Variants in FZR1 observed in about 807,000 individuals in gnomAD.
FZR1 encodes fizzy and cell division cycle 20 related 1.
Under a neutral mutation model 63.6 loss-of-function variants are expected in FZR1, and 11 were observed. The ratio of observed to expected loss-of-function variants is 0.17; its 90% CI spans 0.11 to 0.29. FZR1 has a LOEUF of 0.29. FZR1 is among the 10% of genes least tolerant of loss of function. The pLI is 1.00. For missense variants in FZR1, 440 were observed against 687.5 expected (o/e 0.64, Z 4.03); for synonymous variants, 328 against 297.9 (o/e 1.10, Z -1.04).
At chr19:3,532,195 G>A (rs2083255048) in intron 10 of FZR1, 100 bp downstream of exon 10, 5 of 1,165,808 alleles carry the variant, frequency 4.3e-6, no homozygotes, top group Non-Finnish European at 5.9e-6. Flanking sequence ...GCGGGCGCGG[G>A]GCCCACTCCA....
At position 3,532,407 on chromosome 19, in the gene FZR1, T is replaced by C. The variant is rs749845447; in HGVS notation, c.1009-10T>C. On this transcript the variant is annotated splice_polypyrimidine_tract_variant and intron_variant, in intron 10 of 13. Coordinates refer to ENST00000441788, the MANE Select transcript of FZR1 (RefSeq NM_016263.4). ...GGGACAGCCCCGGCCTCACAGCCCC[T>C]GTCCCCCAGCTGCTGGTCTGGAATC... 1.9e-6 allele frequency: 3 copies of C among 1,585,872 alleles called. No individual in the cohort carries two copies. Among genetic ancestry groups the C allele is most frequent in the Non-Finnish European group, 2.6e-6 (3 of 1,164,244 alleles).
chr19:3,520,162 G>A (rs2083088838), intron 1 of FZR1, among the ~76,000 whole-genome samples: 1 of 152,262 alleles, frequency 6.6e-6, no homozygotes, highest in Non-Finnish European at 1.5e-5. Context: ...GATGGCCAGT[G>A]CTGGCCCAGG....
At chr19:3,528,682 GGTGAGCGGATGA>G (rs2083189245) in intron 7 of FZR1, among the ~76,000 whole-genome samples, 2 of 147,332 alleles carry the variant, frequency 1.4e-5, no homozygotes, top group African/African-American at 2.5e-5. Flanking sequence ...AGAGTGGATG[GGTGAGCGGATGA>G]GAGAGTGGAT....
At chr19:3,507,309 C>G (rs182948401) in intron 1 of FZR1, among the ~76,000 whole-genome samples, 1 of 152,036 alleles carries the variant, frequency 6.6e-6, no homozygotes, top group Non-Finnish European at 1.5e-5. Context: ...CTGGCCATCT[C>G]GGATCCCCAG....
chr19:3,507,378 C>T (rs2082992187), intron 1 of FZR1, among the ~76,000 whole-genome samples: 1 of 151,848 alleles, frequency 6.6e-6, no homozygotes, highest in Non-Finnish European at 1.5e-5. Flanking sequence ...CTGTGACACC[C>T]CCTCCCCCTC....
intron 1 of FZR1, among the ~76,000 whole-genome samples, chr19:3,522,243 C>T (rs2083109164): frequency 6.6e-6 from 1 of 152,190 alleles, no homozygotes; most frequent in Admixed American, 6.5e-5. Flanking sequence ...TTGTACAAAC[C>T]CCCTTCCTGC....
intron 8 of FZR1, 58 bp from the exon 9 acceptor site, chr19:3,531,656 G>T: frequency 8.0e-7 from 1 of 1,252,530 alleles, no homozygotes; most frequent in Non-Finnish European, 1.1e-6. Context: ...ACGCCAGGAC[G>T]GGCACAGTCC....
At position 3,531,827 on chromosome 19, in the gene FZR1, C is replaced by T. The variant is rs749237224; in HGVS notation, c.823+11C>T. 44 of 1,549,526 alleles carry T rather than the reference C, an allele frequency of 2.8e-5. No individual in the cohort carries two copies. The highest frequency in any genetic ancestry group is 2.2e-4 in the East Asian group (9 of 41,000). ...ACACGGCACGCGTCGGTGAGGAGCC[C>T]GGGTCCCATGGCTGGTGAGCTCCCT... On this transcript the variant is annotated intron_variant, in intron 9 of 13. Coordinates refer to ENST00000441788, the MANE Select transcript of FZR1 (RefSeq NM_016263.4).
chr19:3,522,876 G>T (rs1321098236), intron 1 of FZR1, 80 bp from the exon 2 acceptor site: 3 of 767,194 alleles, frequency 3.9e-6, no homozygotes, highest in Non-Finnish European at 4.8e-6. Flanking sequence ...AGCTCCCAGG[G>T]CCTGGAGGTG....
In FZR1 at chr19:3,516,194, C is replaced by T. The variant is rs1399253759; in HGVS notation, c.-34-6762C>T. Among the ~76,000 whole-genome samples, 6 of 152,360 alleles carry T rather than the reference C, an allele frequency of 3.9e-5. No individual in the cohort carries two copies. Among genetic ancestry groups the T allele is most frequent in the Admixed American group, 1.3e-4 (2 of 15,308 alleles). On this transcript the variant is annotated intron_variant, in intron 1 of 13. Coordinates refer to ENST00000441788, the MANE Select transcript of FZR1 (RefSeq NM_016263.4). This position sits in a 1 kb window ranked among gnomAD's most constrained non-coding sequence, Gnocchi z 6.0. ...GAGTGCGTGTGGCTGTCTCTCCCCA[C>T]GCCTGGGATGGTGAGGCCGAGTCCC...
chr19:3,515,450 C>T lies in FZR1; in HGVS notation c.-34-7506C>T, dbSNP rs2083052041. ...TGACCGTGGTTTGTTTTTTTGAATA[C>T]CTCACAGTTCACGTGATACAGAATT... On this transcript the variant is annotated intron_variant, in intron 1 of 13. Transcript: ENST00000441788. The surrounding 1 kb of genome is among the most constrained non-coding windows in gnomAD (Gnocchi z 4.6). 6.6e-6 allele frequency among the ~76,000 whole-genome samples: 1 copy of T among 152,102 alleles called. No individual in the cohort carries two copies. Among genetic ancestry groups the T allele is most frequent in the African/African-American group, 2.4e-5 (1 of 41,390 alleles).
intron 7 of FZR1, among the ~76,000 whole-genome samples, chr19:3,528,390 C>T (rs974334270): frequency 6.6e-6 from 1 of 152,244 alleles, no homozygotes; most frequent in Non-Finnish European, 1.5e-5. Flanking sequence ...GAGCTGCTCC[C>T]GCTGGCAGTG....
In FZR1 at chr19:3,515,564, C is replaced by T. The variant is rs541623616; in HGVS notation, c.-34-7392C>T. 3.3e-5 allele frequency among the ~76,000 whole-genome samples: 5 copies of T among 152,114 alleles called. No individual in the cohort carries two copies. The East Asian group carries it at 5.8e-4, about 18-fold the overall frequency. On this transcript the variant is annotated intron_variant, in intron 1 of 13. Transcript: ENST00000441788. This position sits in a 1 kb window ranked among gnomAD's most constrained non-coding sequence, Gnocchi z 4.6. ...CGGGCGGATCACAAGGTCAGGAGAT[C>T]GAAACCATCCTGGCTAATACTGTGA...
rs1219635346 is a variant in FZR1 at position 3,537,899 on chromosome 19, C to G, written c.*3063C>G. On this transcript the variant is annotated 3_prime_UTR_variant, in exon 14 of 14. Coordinates refer to ENST00000441788, the MANE Select transcript of FZR1 (RefSeq NM_016263.4). Reference sequence around the variant, plus strand: ...GCCTTGGGGAAGGGCGGCCTTGGATCAGAGGCTCACCACAAGCCTGGCATT... The same window carrying G: ...GCCTTGGGGAAGGGCGGCCTTGGATGAGAGGCTCACCACAAGCCTGGCATT... 1 of 152,578 alleles carries G rather than the reference C, an allele frequency of 6.6e-6. No homozygotes were observed. The highest frequency in any genetic ancestry group is 1.5e-5 in the Non-Finnish European group (1 of 68,302). 9.5% of individuals were successfully genotyped at this position (152,578 alleles called of 1,614,324 possible).
chr19:3,526,164 C>T lies in FZR1; in HGVS notation c.240C>T (p.Ala80=). 1 of 1,612,928 alleles carries T rather than the reference C, an allele frequency of 6.2e-7. No individual in the cohort carries two copies. Residue 80 remains alanine (A), a synonymous_variant, in exon 4 of 14, where the codon GCC becomes GCT. Coordinates refer to ENST00000441788, the MANE Select transcript of FZR1 (RefSeq NM_016263.4). This position sits in a 1 kb window ranked among gnomAD's most constrained non-coding sequence, Gnocchi z 5.4. ...GTCAGAACCGGAAAGCCAAGGACGC[C>T]ACCTCAGACAACGGCAAAGGTTAGG... ...SPSQNRKAKD[A]TSDNGKDGLA...
At chr19:3,518,640 C>T (rs762214480) in intron 1 of FZR1, among the ~76,000 whole-genome samples, 5 of 152,218 alleles carry the variant, frequency 3.3e-5, no homozygotes, top group African/African-American at 1.2e-4. Flanking sequence ...GATTTGAAGT[C>T]TGCTGGTGCC....
Position 3,523,021 on chromosome 19 carries a change from G to A in FZR1, c.32G>A (p.Arg11His), listed in dbSNP as rs772245619. MDQDYERRLLRQIVIQNENTM... is the reference protein window; with the variant it reads MDQDYERRLLHQIVIQNENTM... ...CAGGACTATGAGCGGCGCCTGCTTC[G>A]CCAGATCGTCATCCAGAATGAGAAC... The change falls in exon 2 of 14, where the codon CGC becomes CAC. Residue 11 changes from arginine to histidine, a missense_variant. By Grantham distance (29) the Arg-to-His change is conservative. Around this residue, in one of 5 missense-constraint regions of FZR1, gnomAD observed 200 missense variants for 245.1 expected, o/e 0.82. Transcript: ENST00000441788. The A allele has an allele frequency of 4.3e-6, 7 of 1,611,554 alleles. No individual in the cohort carries two copies. The highest frequency in any genetic ancestry group is 3.3e-5 in the South Asian group (3 of 91,068).
chr19:3,534,198 G>A, intron 12 of FZR1: 1 of 480,042 alleles, frequency 2.1e-6, no homozygotes. Context: ...CTCCAGCCTG[G>A]GTGACAGAGC....
At chr19:3,511,958 G>T (rs1329281460) in intron 1 of FZR1, among the ~76,000 whole-genome samples, 2 of 152,146 alleles carry the variant, frequency 1.3e-5, no homozygotes, top group Admixed American at 1.3e-4. Context: ...TGGTCTCTCC[G>T]CTAGGCCCCG....
Sources: gnomAD v4.1 joint callset for allele counts (sites outside exome capture counted in the v4.1 genomes callset) on GRCh38, gnomAD v4.1.1 for gene constraint, gnomAD v4.1.1 regional missense constraint, Gnocchi (gnomAD v3.1) non-coding constraint, MANE v1.5 for transcripts, NCBI Gene and HGNC (gene_info 2026-07-23, HGNC 2026-07-21) for gene names.